SLC38A11: variants seen among roughly 807,000 people sequenced by gnomAD.
SLC38A11 encodes the protein putative sodium-coupled neutral amino acid transporter 11.
A neutral mutation model predicts 49.4 loss-of-function variants in SLC38A11; 51 were observed. The observed-to-expected ratio is 1.03, with a 90% CI of 0.83 to 1.30. SLC38A11 has a LOEUF of 1.30. Among genes scored for constraint, SLC38A11 ranks in the 50% most tolerant of loss-of-function variants. The pLI, the probability that SLC38A11 is intolerant of heterozygous loss-of-function variation, is 0.00. For synonymous variants in SLC38A11, 203 were observed against 192.9 expected, an observed-to-expected ratio of 1.05 and a Z score of -0.43; for missense variants, 574 against 556.2, an observed-to-expected ratio of 1.03 and a Z score of -0.32.
intron 5 of SLC38A11, among the ~76,000 whole-genome samples, chr2:164,942,993 C>T (rs1284940547): frequency 6.6e-6 from 1 of 152,226 alleles, no homozygotes; most frequent in Non-Finnish European, 1.5e-5. Context: ...TCAAGTTCCA[C>T]TAAACCCTGT....
chr2:164,944,416 AGATCAGAATG>A (rs1687974330), intron 5 of SLC38A11, 143 bp downstream of exon 5: 3 of 347,774 alleles, frequency 8.6e-6, no homozygotes, highest in African/African-American at 2.1e-5. Flanking sequence ...CAAAACTTTA[AGATCAGAATG>A]GATCATGGAT....
intron 7 of SLC38A11, among the ~76,000 whole-genome samples, chr2:164,932,239 T>G (rs1687057344): frequency 6.6e-6 from 1 of 152,106 alleles, no homozygotes; most frequent in Non-Finnish European, 1.5e-5. Context: ...CAATGGCTAT[T>G]ATTTAAAAAG....
intron 1 of SLC38A11, 65 bp downstream of exon 1, chr2:164,955,144 C>T: frequency 2.7e-6 from 4 of 1,464,178 alleles, no homozygotes; most frequent in Admixed American, 2.0e-5. Context: ...GTGACCTGAC[C>T]TGTTGCAAGG....
intron 3 of SLC38A11, among the ~76,000 whole-genome samples, chr2:164,952,129 G>C (rs1469072759): frequency 6.6e-6 from 1 of 152,178 alleles, no homozygotes; most frequent in Non-Finnish European, 1.5e-5. Context: ...ATGGGAGAGT[G>C]ACAAAACGTG....
intron 9 of SLC38A11, among the ~76,000 whole-genome samples, chr2:164,914,748 G>A (rs1685652015): frequency 6.6e-6 from 1 of 151,900 alleles, no homozygotes. Flanking sequence ...AAGAAAGGAA[G>A]TTCAGTATTG....
chr2:164,926,112 G>A (rs1686563504), intron 7 of SLC38A11, among the ~76,000 whole-genome samples: 1 of 152,074 alleles, frequency 6.6e-6, no homozygotes, highest in African/African-American at 2.4e-5. Flanking sequence ...CTGGATGCTT[G>A]GTTTGCTATA....
At position 164,898,652 on chromosome 2, in the gene SLC38A11, G is replaced by T; in HGVS notation, c.1174C>A (p.His392Asn). The T allele has an allele frequency of 6.2e-7, 1 of 1,613,472 alleles. No homozygotes were observed. Among genetic ancestry groups the T allele is most frequent in the East Asian group, 2.2e-5 (1 of 44,824 alleles). ...ACACAAGACATAATCTTATCGGAGT[G>T]TGTCCTTGGTTCTTCAGACAGTTTC... ...YLKLSEEPRTHSDKIMSCVML... is the reference protein window; with the variant it reads ...YLKLSEEPRTNSDKIMSCVML... Residue 392 changes from histidine to asparagine, a missense_variant, in exon 12 of 12, where the codon CAC becomes AAC. Physicochemically the swap from His to Asn is moderately conservative, Grantham distance 68 (BLOSUM62 1). Transcript: ENST00000685975.
At chr2:164,926,358 T>C (rs17438088) in intron 7 of SLC38A11, among the ~76,000 whole-genome samples, 11,828 of 152,222 alleles carry the variant, frequency 0.078, 493 homozygotes, top group Admixed American at 0.11. Flanking sequence ...GCTTTCAGCT[T>C]AGAATCACCA....
At chr2:164,923,633 A>G (rs965899863) in intron 7 of SLC38A11, among the ~76,000 whole-genome samples, 1 of 151,932 alleles carries the variant, frequency 6.6e-6, no homozygotes, top group Non-Finnish European at 1.5e-5. Context: ...CCATCTCTAC[A>G]AAATAAAAAA....
rs1684382669 is a variant in SLC38A11 at position 164,896,682 on chromosome 2, G to A, written c.*1755C>T. 6.6e-6 allele frequency: 1 copy of A among 152,048 alleles called. No homozygotes were observed. Among genetic ancestry groups the A allele is most frequent in the Admixed American group, 6.6e-5 (1 of 15,242 alleles). 9.4% of individuals were successfully genotyped at this position (152,048 alleles called of 1,614,324 possible). ...AAAACAAATTTATAAGTTAAATACAGAAAAGTTACCCAACAGAATTTAAAT... is the reference window on the plus strand; with the variant it reads ...AAAACAAATTTATAAGTTAAATACAAAAAAGTTACCCAACAGAATTTAAAT... On this transcript the variant is annotated 3_prime_UTR_variant, in exon 12 of 12. Transcript: ENST00000685975.
intron 7 of SLC38A11, among the ~76,000 whole-genome samples, chr2:164,928,302 C>T (rs754523765): frequency 9.9e-5 from 15 of 152,114 alleles, no homozygotes; most frequent in Non-Finnish European, 2.1e-4. Flanking sequence ...TAGCCTTAGG[C>T]AAATTTTCTT....
Position 164,954,640 on chromosome 2 carries a change from C to T in SLC38A11, c.145G>A (p.Gly49Ser), listed in dbSNP as rs964288188. ...FNVVNSIIGS[G>S]IIGLPYSMKQ... ...AAGCAAATACACTTACCTATTATACCAGATCCTATAATCGAGTTGACAACA... is the reference window on the plus strand; with the variant it reads ...AAGCAAATACACTTACCTATTATACTAGATCCTATAATCGAGTTGACAACA... The change falls in exon 2 of 12, where the codon GGT becomes AGT. Residue 49 changes from glycine (G) to serine (S), a missense_variant. Coordinates refer to ENST00000685975, the MANE Select transcript of SLC38A11 (RefSeq NM_001351537.2). The T allele has an allele frequency of 6.6e-7, 1 of 1,510,894 alleles. No homozygotes were observed. Among genetic ancestry groups the T allele is most frequent in the East Asian group, 2.5e-5 (1 of 40,472 alleles). The allele number at this position is 1,510,894 out of a possible 1,614,324, so 93.6% of individuals were successfully genotyped here. A position where few individuals can be genotyped will look rare whatever the true frequency, so the allele number is the denominator to read the frequency against.
At chr2:164,913,976 TC>T (rs1685585615) in intron 9 of SLC38A11, among the ~76,000 whole-genome samples, 1 of 152,006 alleles carries the variant, frequency 6.6e-6, no homozygotes, top group African/African-American at 2.4e-5. Context: ...GCAGCCATCC[TC>T]CCAAGAGCAC....
At chr2:164,945,271 T>TA (rs1246319107) in intron 4 of SLC38A11, among the ~76,000 whole-genome samples, 1 of 148,958 alleles carries the variant, frequency 6.7e-6, no homozygotes. Context: ...TTTTTTTTTT[T>TA]AAAGTATTAA....
chr2:164,910,157 A>G (rs2105454789), intron 10 of SLC38A11, among the ~76,000 whole-genome samples: 1 of 152,182 alleles, frequency 6.6e-6, no homozygotes, highest in East Asian at 1.9e-4. Flanking sequence ...AGTTATAGAC[A>G]CCATTCTTCT....
chr2:164,952,829 G>A (rs998141975), intron 2 of SLC38A11, 48 bp from the exon 3 acceptor site: 2 of 1,381,756 alleles, frequency 1.4e-6, no homozygotes, highest in East Asian at 4.6e-5. Context: ...AAGAAAGCTA[G>A]AAACACAGAA....
At chr2:164,942,448 C>A (rs868489200) in intron 5 of SLC38A11, among the ~76,000 whole-genome samples, 1,841 of 124,966 alleles carry the variant, frequency 0.015, 21 homozygotes, top group Non-Finnish European at 0.023. Context: ...AAAAAAAAAA[C>A]AAAAACAGAG....
intron 5 of SLC38A11, 60 bp downstream of exon 5, chr2:164,944,509 C>A: frequency 2.8e-6 from 2 of 711,748 alleles, no homozygotes; most frequent in Admixed American, 4.2e-5. Flanking sequence ...ACCATGTTAA[C>A]TATAAATAAC....
In SLC38A11 at chr2:164,939,459, C is replaced by T. The variant is rs1311508637; in HGVS notation, c.528G>A (p.Lys176=). 3 of 1,603,512 alleles carry T rather than the reference C, an allele frequency of 1.9e-6. No individual in the cohort carries two copies. Among genetic ancestry groups the T allele is most frequent in the Non-Finnish European group, 1.7e-6 (2 of 1,173,680 alleles). The part of the protein sequence containing the change: ...LPLSLYRNIA[K]LGKVSLISTG... ...AAAATGTAAAAATTACCTTTCCAAG[C>T]TTTGCTATATTTCGGTACAAGGATA... The change falls in exon 6 of 12, where the codon AAG becomes AAA. Residue 176 remains lysine, a synonymous_variant. Transcript: ENST00000685975.
Sources: gnomAD v4.1 joint callset for allele counts (sites outside exome capture counted in the v4.1 genomes callset) on GRCh38, gnomAD v4.1.1 for gene constraint, MANE v1.5 for transcripts, NCBI Gene and HGNC (gene_info 2026-07-23, HGNC 2026-07-21) for gene names.